PRKN: variants seen among roughly 807,000 people sequenced by gnomAD.
PRKN encodes the protein E3 ubiquitin-protein ligase parkin.
PRKN carries 56 observed loss-of-function variants against 59.5 expected under a neutral mutation model. That is an observed-to-expected ratio of 0.94 (90% CI 0.76 to 1.18). The LOEUF is 1.18. PRKN is among the 50% of genes most tolerant of loss of function. The probability of loss-of-function intolerance (pLI) is 0.00; values close to 1 mark genes in which losing one functional copy is unlikely to be tolerated. For missense variants in PRKN, 657 were observed against 596.4 expected (o/e 1.10, Z -1.06); for synonymous variants, 250 against 222.1 (o/e 1.13, Z -1.12).
intron 6 of PRKN, among the ~76,000 whole-genome samples, chr6:161,916,893 G>T (rs529492425): frequency 6.6e-6 from 1 of 152,188 alleles, no homozygotes; most frequent in South Asian, 2.1e-4. Flanking sequence ...CCGCCTCCCG[G>T]GTTCACGCCA....
chr6:162,131,374 C>G (rs1431446362), intron 4 of PRKN, among the ~76,000 whole-genome samples: 2 of 152,180 alleles, frequency 1.3e-5, no homozygotes, highest in Non-Finnish European at 2.9e-5. Context: ...AATGTTCTCT[C>G]TTTTCACATT....
At chr6:161,623,056 T>G (rs910988343) in intron 7 of PRKN, among the ~76,000 whole-genome samples, 1 of 152,230 alleles carries the variant, frequency 6.6e-6, no homozygotes, top group Non-Finnish European at 1.5e-5. Flanking sequence ...ATAGATTGCA[T>G]GAGCCCCAGC....
intron 5 of PRKN, among the ~76,000 whole-genome samples, chr6:161,984,119 C>T (rs544278904): frequency 6.6e-6 from 1 of 152,062 alleles, no homozygotes; most frequent in African/African-American, 2.4e-5. Context: ...TACATGTGAC[C>T]ACAATGAGAT....
At chr6:162,313,485 C>G (rs1467987340) in intron 2 of PRKN, among the ~76,000 whole-genome samples, 1 of 151,804 alleles carries the variant, frequency 6.6e-6, no homozygotes, top group Non-Finnish European at 1.5e-5. Context: ...TATACTGTAT[C>G]AATTTTTTTT....
At chr6:161,822,223 AT>A in intron 6 of PRKN, among the ~76,000 whole-genome samples, 1 of 152,298 alleles carries the variant, frequency 6.6e-6, no homozygotes, top group South Asian at 2.1e-4. Flanking sequence ...AAAGTTAGGG[AT>A]ACTCATGTGA....
At chr6:161,695,777 T>C (rs895622630) in intron 7 of PRKN, among the ~76,000 whole-genome samples, 2 of 152,202 alleles carry the variant, frequency 1.3e-5, no homozygotes, top group African/African-American at 4.8e-5. Flanking sequence ...TTGGAAACGG[T>C]ACAGTCAATC....
chr6:162,169,753 C>G (rs1390581330), intron 4 of PRKN, among the ~76,000 whole-genome samples: 1 of 152,108 alleles, frequency 6.6e-6, no homozygotes, highest in Non-Finnish European at 1.5e-5. Flanking sequence ...TGCATTTGCT[C>G]CCAAAAAATA....
chr6:162,174,850 C>G (rs1783458966), intron 4 of PRKN, among the ~76,000 whole-genome samples: 1 of 152,212 alleles, frequency 6.6e-6, no homozygotes, highest in African/African-American at 2.4e-5. Context: ...GAAATACTAA[C>G]TGCATGCACT....
intron 6 of PRKN, among the ~76,000 whole-genome samples, chr6:161,915,754 A>C (rs1273059538): frequency 6.6e-6 from 1 of 152,232 alleles, no homozygotes; most frequent in East Asian, 1.9e-4. Flanking sequence ...CTCATTTGGA[A>C]AACATTCTGG....
At chr6:162,344,962 T>C (rs916069374) in intron 2 of PRKN, among the ~76,000 whole-genome samples, 3 of 152,222 alleles carry the variant, frequency 2.0e-5, no homozygotes, top group Non-Finnish European at 2.9e-5. Context: ...ATAATCACTA[T>C]ACAGAAACAA....
chr6:161,678,834 G>A (rs113716320), intron 7 of PRKN, among the ~76,000 whole-genome samples: 4 of 152,034 alleles, frequency 2.6e-5, no homozygotes, highest in Non-Finnish European at 4.4e-5. Context: ...CCCAAAGTGC[G>A]GAGATTACAG....
At chr6:161,805,275 T>C (rs1478028260) in intron 6 of PRKN, among the ~76,000 whole-genome samples, 1 of 152,170 alleles carries the variant, frequency 6.6e-6, no homozygotes, top group Non-Finnish European at 1.5e-5. Context: ...GTTCTTCATG[T>C]TTACTCGATG....
At chr6:162,419,339 T>A (rs1262856037) in intron 2 of PRKN, among the ~76,000 whole-genome samples, 1 of 152,156 alleles carries the variant, frequency 6.6e-6, no homozygotes, top group Non-Finnish European at 1.5e-5. Context: ...TGCAAAGTGT[T>A]CAACTTTATT....
At chr6:162,653,527 A>G (rs889003187) in intron 1 of PRKN, among the ~76,000 whole-genome samples, 3 of 152,320 alleles carry the variant, frequency 2.0e-5, no homozygotes, top group African/African-American at 7.2e-5. Flanking sequence ...ATGGGTAAAT[A>G]AACATTATTT....
intron 2 of PRKN, among the ~76,000 whole-genome samples, chr6:162,310,936 T>A (rs1486799471): frequency 6.6e-6 from 1 of 152,068 alleles, no homozygotes; most frequent in East Asian, 1.9e-4. Context: ...ATTAATAACA[T>A]TAAGTATACC....
At chr6:162,025,583 CTTTTTTT>C (rs1177676968) in intron 5 of PRKN, among the ~76,000 whole-genome samples, 6 of 59,008 alleles carry the variant, frequency 1.0e-4, no homozygotes, top group South Asian at 9.4e-4. Flanking sequence ...ATCCATGGTG[CTTTTTTT>C]TTTTTTTTTT....
chr6:161,862,150 T>C (rs1231874064), intron 6 of PRKN, among the ~76,000 whole-genome samples: 1 of 152,162 alleles, frequency 6.6e-6, no homozygotes, highest in Non-Finnish European at 1.5e-5. Context: ...CCTTAATTTA[T>C]CTGCAAAGAC....
At chr6:161,766,316 T>A (rs79047820) in intron 7 of PRKN, among the ~76,000 whole-genome samples, 1 of 146,264 alleles carries the variant, frequency 6.8e-6, no homozygotes, top group South Asian at 2.1e-4. Flanking sequence ...TTGACCACAT[T>A]TTTTTTTTTT....
intron 9 of PRKN, among the ~76,000 whole-genome samples, chr6:161,469,627 G>T (rs1790678139): frequency 6.6e-6 from 1 of 152,034 alleles, no homozygotes; most frequent in Non-Finnish European, 1.5e-5. Context: ...TTACTTTGCT[G>T]GTTTTGAAGA....
Sources: gnomAD v4.1 joint callset for allele counts (sites outside exome capture counted in the v4.1 genomes callset) on GRCh38, gnomAD v4.1.1 for gene constraint, MANE v1.5 for transcripts, NCBI Gene and HGNC (gene_info 2026-07-23, HGNC 2026-07-21) for gene names.